Variants in LCP2 observed in about 807,000 individuals in gnomAD.
The protein encoded by LCP2 is lymphocyte cytosolic protein 2.
A neutral mutation model predicts 74.5 loss-of-function variants in LCP2; 29 were observed. That is an observed-to-expected ratio of 0.39 (90% CI 0.29 to 0.53). The LOEUF (loss-of-function observed/expected upper bound fraction) is 0.53, where lower values mean the gene tolerates loss of function less well. Among genes scored for constraint, LCP2 ranks in the 20% least tolerant of loss-of-function variants. The pLI is 0.72. For synonymous variants in LCP2, 228 were observed against 229.5 expected (o/e 0.99, Z 0.06); for missense variants, 604 against 634.6 (o/e 0.95, Z 0.52).
chr5:170,261,553 G>A (rs572321), intron 13 of LCP2, among the ~76,000 whole-genome samples: 18,021 of 152,108 alleles, frequency 0.12, 2,751 homozygotes, highest in African/African-American at 0.35. Context: ...TTTTTCCCAA[G>A]AAATGAAAAC....
chr5:170,290,676 G>C (rs1762272828), intron 2 of LCP2, among the ~76,000 whole-genome samples: 1 of 152,108 alleles, frequency 6.6e-6, no homozygotes, highest in African/African-American at 2.4e-5. Context: ...TGAAGCCTGG[G>C]TTCTTGATGT....
At position 170,293,693 on chromosome 5, in the gene LCP2, C is replaced by T. The variant is rs534480490; in HGVS notation, c.79-321G>A. Among the ~76,000 whole-genome samples, 7 of 152,360 alleles carry T rather than the reference C, an allele frequency of 4.6e-5. No individual in the cohort carries two copies. In the East Asian group the frequency reaches 1.3e-3, roughly 29 times the overall value. On this transcript the variant is annotated intron_variant, in intron 1 of 20. Coordinates refer to ENST00000046794, the MANE Select transcript of LCP2 (RefSeq NM_005565.5). Reference sequence around the variant, plus strand: ...GCTAAAAGAAGAAAAGAAATACCATCCATTGTCTCGATGCCCAGAGACGAC... The same window carrying T: ...GCTAAAAGAAGAAAAGAAATACCATTCATTGTCTCGATGCCCAGAGACGAC...
chr5:170,262,062 G>A (rs1761664572), intron 13 of LCP2, among the ~76,000 whole-genome samples: 1 of 152,158 alleles, frequency 6.6e-6, no homozygotes, highest in Non-Finnish European at 1.5e-5. Context: ...TCACAAATGA[G>A]ATGGAAGCTT....
intron 2 of LCP2, among the ~76,000 whole-genome samples, chr5:170,291,226 A>AAAGG (rs1331302490): frequency 1.0e-3 from 53 of 52,972 alleles, no homozygotes; most frequent in African/African-American, 2.2e-3. Context: ...AGGAAGGAAG[A>AAAGG]AAGGAAGGAA....
intron 1 of LCP2, among the ~76,000 whole-genome samples, chr5:170,294,673 C>T (rs913626111): frequency 5.9e-5 from 9 of 152,210 alleles, no homozygotes; most frequent in African/African-American, 1.9e-4. Context: ...GGATGATTAT[C>T]ACACTCAGAA....
intron 6 of LCP2, among the ~76,000 whole-genome samples, chr5:170,271,147 T>G (rs1246512289): frequency 6.6e-6 from 1 of 152,062 alleles, no homozygotes. Flanking sequence ...CGGACCACCT[T>G]TTTACACAAC....
At position 170,252,420 on chromosome 5, in the gene LCP2, CTA is replaced by C. The variant is rs1455903215; in HGVS notation, c.1323+12_1323+13del. On this transcript the variant is annotated intron_variant, in intron 19 of 20. Coordinates refer to ENST00000046794, the MANE Select transcript of LCP2 (RefSeq NM_005565.5). ...ATATTTACAACTATGTTAAAATAAA[CTA>C]TAGCACAATACCTGGTTTATCTTTC... 1 of 1,474,694 alleles carries C rather than the reference CTA, an allele frequency of 6.8e-7. No individual in the cohort carries two copies. The highest frequency in any genetic ancestry group is 1.4e-5 in the African/African-American group (1 of 72,006). 91.4% of individuals were successfully genotyped at this position (1,474,694 alleles called of 1,614,324 possible).
intron 1 of LCP2, among the ~76,000 whole-genome samples, chr5:170,295,901 T>G (rs1032953671): frequency 3.9e-5 from 6 of 152,148 alleles, no homozygotes; most frequent in African/African-American, 1.4e-4. Context: ...AAACTCTCCC[T>G]TCCCCCAGCT....
chr5:170,296,797 C>A (rs193105180), intron 1 of LCP2, among the ~76,000 whole-genome samples: 20 of 152,366 alleles, frequency 1.3e-4, no homozygotes, highest in Admixed American at 1.1e-3. Flanking sequence ...AGCACCGCCA[C>A]AAGCCTCTTT....
chr5:170,287,942 T>A (rs1762212159), intron 3 of LCP2, 28 bp downstream of exon 3: 1 of 1,606,672 alleles, frequency 6.2e-7, no homozygotes, highest in East Asian at 2.2e-5. Flanking sequence ...TGCTCCCAGA[T>A]CACCCATAGA....
intron 3 of LCP2, among the ~76,000 whole-genome samples, chr5:170,278,439 T>G (rs1468115160): frequency 1.8e-3 from 19 of 10,850 alleles, no homozygotes; most frequent in Admixed American, 4.4e-3. Context: ...AGTGCAGGGG[T>G]GGGGGGCTGG....
chr5:170,287,895 C>A, intron 3 of LCP2, 75 bp downstream of exon 3: 1 of 1,365,396 alleles, frequency 7.3e-7, no homozygotes, highest in Non-Finnish European at 1.0e-6. Context: ...ATAGAACTGA[C>A]CCAGCCCCCA....
chr5:170,295,138 C>T (rs1762351689), intron 1 of LCP2, among the ~76,000 whole-genome samples: 1 of 152,206 alleles, frequency 6.6e-6, no homozygotes, highest in South Asian at 2.1e-4. Flanking sequence ...AGCTCTGAGC[C>T]AGTGCCTCTC....
intron 3 of LCP2, among the ~76,000 whole-genome samples, chr5:170,276,187 G>A (rs1368688024): frequency 6.6e-6 from 1 of 152,258 alleles, no homozygotes. Context: ...CAAAAATCAG[G>A]AGCCTTAGGA....
At chr5:170,285,482 A>G (rs1581073940) in intron 3 of LCP2, among the ~76,000 whole-genome samples, 2 of 152,172 alleles carry the variant, frequency 1.3e-5, no homozygotes, top group African/African-American at 4.8e-5. Flanking sequence ...ATTCCTATAA[A>G]TAGGTTTAAG....
Position 170,297,697 on chromosome 5 carries a change from G to A in LCP2, c.-86C>T, listed in dbSNP as rs1199982688. The A allele has an allele frequency of 4.3e-6, 5 of 1,167,632 alleles. No homozygotes were observed. The highest frequency in any genetic ancestry group is 2.7e-5 in the East Asian group (1 of 37,432). 72.3% of individuals were successfully genotyped at this position (1,167,632 alleles called of 1,614,324 possible). A position where few individuals can be genotyped will look rare whatever the true frequency, so the allele number is the denominator to read the frequency against. On this transcript the variant is annotated 5_prime_UTR_variant, in exon 1 of 21. It adds an upstream start codon to the 5' untranslated region. Coordinates refer to ENST00000046794, the MANE Select transcript of LCP2 (RefSeq NM_005565.5). ...AAGCTCAAATCCAGAGCTCGGAGGC[G>A]TTCTTGGCTCTTCCAACTCCCAGCT...
intron 2 of LCP2, among the ~76,000 whole-genome samples, chr5:170,291,064 AAAAG>A (rs1413798442): frequency 6.6e-6 from 1 of 151,382 alleles, no homozygotes; most frequent in Non-Finnish European, 1.5e-5. Context: ...AGGAAGGAAG[AAAAG>A]AAAGAGAGGG....
intron 20 of LCP2, among the ~76,000 whole-genome samples, chr5:170,249,217 TG>T (rs557538101): frequency 4.1e-4 from 62 of 151,808 alleles, no homozygotes; most frequent in African/African-American, 1.2e-3. Context: ...CCCAGCTGCT[TG>T]GGAGGCTGAG....
Position 170,262,711 on chromosome 5 carries a change from T to C in LCP2, c.850A>G (p.Lys284Glu). The change falls in exon 13 of 21, where the codon AAG becomes GAG. Residue 284 changes from lysine to glutamate, a missense_variant. By Grantham distance (56) the Lys-to-Glu change is moderately conservative. Transcript: ENST00000046794. ...SLGEHLPKIQ[K>E]PPLPPTTERH... ...TCCGTGGTCGGTGGTAAAGGAGGCTTTTGAATCTTGGGTAAATGCTCCCCG... is the reference window on the plus strand; with the variant it reads ...TCCGTGGTCGGTGGTAAAGGAGGCTCTTGAATCTTGGGTAAATGCTCCCCG... 3.7e-6 allele frequency: 6 copies of C among 1,613,988 alleles called. No homozygotes were observed. The highest frequency in any genetic ancestry group is 5.1e-6 in the Non-Finnish European group (6 of 1,179,872).
Sources: allele counts gnomAD v4.1 joint callset (sites outside exome capture counted in the v4.1 genomes callset), GRCh38; gene constraint gnomAD v4.1.1; transcripts MANE v1.5; gene names NCBI Gene and HGNC (gene_info 2026-07-23, HGNC 2026-07-21).